The following RFX3 variants were observed in gnomAD, a reference collection of about 807,000 sequenced individuals.
RFX3 encodes regulatory factor X3, also known as transcription factor RFX3.
In RFX3, 14 loss-of-function variants were observed where a neutral mutation model predicts 98.6. The ratio of observed to expected loss-of-function variants is 0.14; its 90% CI spans 0.09 to 0.22. RFX3 has a LOEUF of 0.22. Among genes scored for constraint, RFX3 ranks in the 10% least tolerant of loss-of-function variants. The pLI, the probability that RFX3 is intolerant of heterozygous loss-of-function variation, is 1.00. For synonymous variants in RFX3, 383 were observed against 328.4 expected (o/e 1.17, Z -1.80); for missense variants, 639 against 926.9 (o/e 0.69, Z 4.03).
At chr9:3,391,169 C>T (rs1840271135) in intron 2 of RFX3, among the ~76,000 whole-genome samples, 1 of 151,976 alleles carries the variant, frequency 6.6e-6, no homozygotes, top group African/African-American at 2.4e-5. Flanking sequence ...AGTTTGCAAA[C>T]CCAAGATAAT....
intron 1 of RFX3, among the ~76,000 whole-genome samples, chr9:3,459,041 C>T (rs1342231487): frequency 6.6e-6 from 1 of 152,062 alleles, no homozygotes; most frequent in Non-Finnish European, 1.5e-5. Context: ...GCCAAAGGGA[C>T]GGCAATGAGA....
In RFX3 at chr9:3,423,778, CATATATATATAT is replaced by C. The variant is rs61209874; in HGVS notation, c.-8-28194_-8-28183del. 6.2e-3 allele frequency among the ~76,000 whole-genome samples: 687 copies of C among 111,040 alleles called. 10 individuals are homozygous for C. Among genetic ancestry groups the C allele is most frequent in the African/African-American group, 0.02 (641 of 31,514 alleles). 72.8% of individuals were successfully genotyped at this position (111,040 alleles called of 152,430 possible). On this transcript the variant is annotated intron_variant, in intron 1 of 16. Coordinates refer to ENST00000617270, the MANE Select transcript of RFX3 (RefSeq NM_001282116.2). The stretch of plus-strand genomic sequence containing the variant: ...TTTCATTTTATGTATTATATATTTT[CATATATATATAT>C]ATATATATATATATATATATATCTT...
intron 4 of RFX3, among the ~76,000 whole-genome samples, chr9:3,304,074 T>G (rs1057488089): frequency 5.9e-5 from 9 of 152,142 alleles, no homozygotes; most frequent in African/African-American, 1.7e-4. Context: ...AGCCTCAGCA[T>G]GCATGTTGGA....
intron 2 of RFX3, among the ~76,000 whole-genome samples, chr9:3,351,509 C>T (rs1470633500): frequency 6.6e-6 from 1 of 151,794 alleles, no homozygotes; most frequent in East Asian, 1.9e-4. Context: ...CAGTTTAGGA[C>T]AACTAACAAC....
chr9:3,291,135 C>T (rs929201690), intron 6 of RFX3, among the ~76,000 whole-genome samples: 4 of 152,120 alleles, frequency 2.6e-5, no homozygotes, highest in Admixed American at 6.6e-5. Context: ...GAGGCTGAGG[C>T]GGGCAGATCA....
intron 3 of RFX3, among the ~76,000 whole-genome samples, chr9:3,337,060 G>C (rs551822747): frequency 1.3e-5 from 2 of 152,214 alleles, no homozygotes; most frequent in Admixed American, 6.5e-5. Flanking sequence ...ATTTGGGCTG[G>C]GATAGTGGTA....
intron 2 of RFX3, among the ~76,000 whole-genome samples, chr9:3,382,905 T>C (rs1839339408): frequency 1.3e-5 from 2 of 152,150 alleles, no homozygotes; most frequent in African/African-American, 2.4e-5. Flanking sequence ...AGAATATATA[T>C]GGCAAAGTTT....
At chr9:3,371,186 A>C (rs1421933459) in intron 2 of RFX3, among the ~76,000 whole-genome samples, 1 of 152,208 alleles carries the variant, frequency 6.6e-6, no homozygotes, top group East Asian at 1.9e-4. Flanking sequence ...TATCATTTAC[A>C]GCGGCTTCCA....
In RFX3 at chr9:3,262,968, A is replaced by G. The variant is rs770051788; in HGVS notation, c.1572T>C (p.Ser524=). The change falls in exon 13 of 17, where the codon AGT becomes AGC. Residue 524 remains serine (S), a synonymous_variant. Coordinates refer to ENST00000617270, the MANE Select transcript of RFX3 (RefSeq NM_001282116.2). ...TGGCAAAGTCGACACGGTTGAGGTC[A>G]CTAAGCATCTGGTTGATTTGGGAAG... ...QNTSQINQML[S]DLNRVDFANV... 23 of 1,613,888 alleles carry G rather than the reference A, an allele frequency of 1.4e-5. No homozygotes were observed. Among genetic ancestry groups the G allele is most frequent in the Non-Finnish European group, 1.8e-5 (21 of 1,179,794 alleles).
At chr9:3,435,802 T>TTAA (rs1331902257) in intron 1 of RFX3, among the ~76,000 whole-genome samples, 1 of 97,636 alleles carries the variant, frequency 1.0e-5, no homozygotes, top group African/African-American at 3.9e-5. Context: ...ATCTGCATTG[T>TTAA]AAAAAAAAAA....
At chr9:3,448,163 TAA>T (rs547748086) in intron 1 of RFX3, among the ~76,000 whole-genome samples, 1,818 of 149,518 alleles carry the variant, frequency 0.012, 32 homozygotes, top group African/African-American at 0.042. Flanking sequence ...ACACATGATT[TAA>T]AAAAAAAAAT....
intron 1 of RFX3, among the ~76,000 whole-genome samples, chr9:3,435,528 T>A (rs1161604872): frequency 1.3e-5 from 2 of 152,008 alleles, no homozygotes; most frequent in Non-Finnish European, 2.9e-5. Context: ...AGGGGACCAC[T>A]GTCATATATG....
chr9:3,334,833 A>T (rs923752492), intron 3 of RFX3, among the ~76,000 whole-genome samples: 1 of 152,166 alleles, frequency 6.6e-6, no homozygotes, highest in African/African-American at 2.4e-5. Flanking sequence ...TAATATCCTT[A>T]GCTGGGCCAG....
At chr9:3,462,816 CTTA>C (rs1354372741) in intron 1 of RFX3, among the ~76,000 whole-genome samples, 3 of 151,800 alleles carry the variant, frequency 2.0e-5, no homozygotes, top group African/African-American at 7.3e-5. Flanking sequence ...TGTGATGTCA[CTTA>C]TAATAGTATT....
In RFX3 at chr9:3,448,764, T is replaced by C. The variant is rs374148871; in HGVS notation, c.-8-53168A>G. Among the ~76,000 whole-genome samples the C allele has an allele frequency of 8.2e-4, 125 of 152,276 alleles. 3 individuals are homozygous for C. The South Asian group carries it at 0.025, about 30-fold the overall frequency. ...CAAACGCCTGGCCTCAAGTGATCTTTCCACCTTGACCTCCCAAAGCACTGG... is the reference window on the plus strand; with the variant it reads ...CAAACGCCTGGCCTCAAGTGATCTTCCCACCTTGACCTCCCAAAGCACTGG... On this transcript the variant is annotated intron_variant, in intron 1 of 16. Transcript: ENST00000617270.
intron 1 of RFX3, among the ~76,000 whole-genome samples, chr9:3,466,423 G>C (rs1195374834): frequency 6.6e-6 from 1 of 152,104 alleles, no homozygotes; most frequent in Non-Finnish European, 1.5e-5. Flanking sequence ...TGCAATAAAA[G>C]CAATGTTTTA....
At chr9:3,484,974 C>T (rs1376302014) in intron 1 of RFX3, among the ~76,000 whole-genome samples, 1 of 151,362 alleles carries the variant, frequency 6.6e-6, no homozygotes, top group Non-Finnish European at 1.5e-5. Flanking sequence ...GATGACACAC[C>T]TCTAGTCCTA....
intron 1 of RFX3, among the ~76,000 whole-genome samples, chr9:3,417,090 C>G (rs754805189): frequency 6.6e-6 from 1 of 151,548 alleles, no homozygotes; most frequent in Non-Finnish European, 1.5e-5. Context: ...AGAAATATTA[C>G]CAGGAATAAG....
At chr9:3,488,494 A>G (rs191637214) in intron 1 of RFX3, among the ~76,000 whole-genome samples, 207 of 152,348 alleles carry the variant, frequency 1.4e-3, no homozygotes, top group African/African-American at 4.9e-3. Context: ...TTTGTTTGAC[A>G]CAGACAACTC....
Sources: gnomAD v4.1 joint callset for allele counts (sites outside exome capture counted in the v4.1 genomes callset) on GRCh38, gnomAD v4.1.1 for gene constraint, MANE v1.5 for transcripts, NCBI Gene and HGNC (gene_info 2026-07-23, HGNC 2026-07-21) for gene names.